KHDRBS2: variants seen among roughly 807,000 people sequenced by gnomAD.
KHDRBS2 encodes KH domain-containing, RNA-binding, signal transduction-associated protein 2.
KHDRBS2 carries 26 observed loss-of-function variants against 44.3 expected under a neutral mutation model. The observed-to-expected ratio is 0.59, with a 90% CI of 0.43 to 0.81. KHDRBS2 has a LOEUF of 0.81. KHDRBS2 is among the 40% of genes least tolerant of loss of function. KHDRBS2 has a pLI of 0.00. For synonymous variants in KHDRBS2, 194 were observed against 151.1 expected (o/e 1.28, Z -2.08); for missense variants, 476 against 433.1 (o/e 1.10, Z -0.88).
chr6:61,838,612 C>T (rs572007815), intron 6 of KHDRBS2, among the ~76,000 whole-genome samples: 1 of 152,046 alleles, frequency 6.6e-6, no homozygotes, highest in African/African-American at 2.4e-5. Context: ...AAAAGAGACA[C>T]TAGAGCTCAG....
intron 7 of KHDRBS2, among the ~76,000 whole-genome samples, chr6:61,702,491 T>C (rs1445422965): frequency 6.6e-6 from 1 of 151,948 alleles, no homozygotes; most frequent in Non-Finnish European, 1.5e-5. Context: ...ATATCCCAAA[T>C]AATATAGTTG....
chr6:61,814,201 A>C (rs1331992775), intron 6 of KHDRBS2, among the ~76,000 whole-genome samples: 3 of 152,226 alleles, frequency 2.0e-5, no homozygotes, highest in Non-Finnish European at 2.9e-5. Flanking sequence ...CTTATTGAAT[A>C]AGCATCAGAA....
At position 62,067,648 on chromosome 6, in the gene KHDRBS2, C is replaced by A. The variant is rs185796291; in HGVS notation, c.220-19654G>T. On this transcript the variant is annotated intron_variant, in intron 2 of 8. Coordinates refer to ENST00000281156, the MANE Select transcript of KHDRBS2 (RefSeq NM_152688.4). ...CAATTCAATTTTTTACGTATGTTCACAGGGTTATACAACCATTGCCAAAAT... is the reference window on the plus strand; with the variant it reads ...CAATTCAATTTTTTACGTATGTTCAAAGGGTTATACAACCATTGCCAAAAT... Among the ~76,000 whole-genome samples the A allele has an allele frequency of 3.2e-4, 49 of 151,594 alleles. 1 individual carries two copies. In the East Asian group the frequency reaches 9.4e-3, roughly 29 times the overall value.
At chr6:61,605,781 A>T in the KHDRBS2 span, among the ~76,000 whole-genome samples, 1 of 152,180 alleles carries the variant, frequency 6.6e-6, no homozygotes, top group East Asian at 1.9e-4. Flanking sequence ...ACACTTTACC[A>T]CTATTTCATT....
the KHDRBS2 span, among the ~76,000 whole-genome samples, chr6:61,569,586 C>T: frequency 3.6e-4 from 55 of 152,212 alleles, no homozygotes; most frequent in Admixed American, 1.4e-3. Context: ...GAGGTCCATG[C>T]GACAACTTCA....
chr6:61,638,572 A>T, the KHDRBS2 span, among the ~76,000 whole-genome samples: 1 of 152,130 alleles, frequency 6.6e-6, no homozygotes, highest in Non-Finnish European at 1.5e-5. Flanking sequence ...AAACCTAGGC[A>T]TTACCATTCA....
downstream of KHDRBS2, among the ~76,000 whole-genome samples, chr6:61,675,619 C>T (rs1296519143): frequency 6.6e-6 from 1 of 151,720 alleles, no homozygotes; most frequent in Non-Finnish European, 1.5e-5. Flanking sequence ...TATAAGACCT[C>T]AGGACACCAC....
Position 61,851,731 on chromosome 6 carries a change from C to T in KHDRBS2, c.810+42904G>A, listed in dbSNP as rs144687955. On this transcript the variant is annotated intron_variant, in intron 6 of 8. Transcript: ENST00000281156. ...GTTGTTTATAGCACCCATTCTATAGCATTTCGTTATGGCAACCTAGTGAAC... is the reference window on the plus strand; with the variant it reads ...GTTGTTTATAGCACCCATTCTATAGTATTTCGTTATGGCAACCTAGTGAAC... 4.0e-4 allele frequency among the ~76,000 whole-genome samples: 61 copies of T among 152,254 alleles called. 1 individual carries two copies. The East Asian group carries it at 0.011, about 27-fold the overall frequency.
chr6:61,749,009 C>CTTTTTTTTTTTTTTTTTT (rs34423906), intron 6 of KHDRBS2, among the ~76,000 whole-genome samples: 15 of 97,220 alleles, frequency 1.5e-4, no homozygotes, highest in South Asian at 3.7e-4. Context: ...TTCTTTCTTT[C>CTTTTTTTTTTTTTTTTTT]TTTTTTTTTT....
At chr6:61,546,727 C>G in the KHDRBS2 span, among the ~76,000 whole-genome samples, 3 of 151,980 alleles carry the variant, frequency 2.0e-5, no homozygotes, top group Admixed American at 1.3e-4. Flanking sequence ...ATTCTCAAAG[C>G]AAAAATTATG....
chr6:61,623,645 A>G, the KHDRBS2 span, among the ~76,000 whole-genome samples: 1 of 152,218 alleles, frequency 6.6e-6, no homozygotes, highest in Non-Finnish European at 1.5e-5. Context: ...GCCTGAGCAG[A>G]ATAAGAGGGC....
chr6:61,746,556 T>G (rs1177120235), intron 6 of KHDRBS2, among the ~76,000 whole-genome samples: 1 of 152,186 alleles, frequency 6.6e-6, no homozygotes, highest in Admixed American at 6.5e-5. Flanking sequence ...CAGTCTTTCA[T>G]TGATGGGCAT....
At chr6:62,165,149 C>T (rs976047125) in intron 2 of KHDRBS2, among the ~76,000 whole-genome samples, 8 of 151,622 alleles carry the variant, frequency 5.3e-5, no homozygotes, top group Non-Finnish European at 1.0e-4. Flanking sequence ...TATTCATTTA[C>T]TTATGGCTTC....
intron 1 of KHDRBS2, among the ~76,000 whole-genome samples, chr6:62,210,332 T>C (rs1828814371): frequency 6.6e-6 from 1 of 150,676 alleles, no homozygotes; most frequent in South Asian, 2.1e-4. Context: ...GCATTCTTTT[T>C]TTTTTTTTTT....
the KHDRBS2 span, among the ~76,000 whole-genome samples, chr6:61,637,319 T>A: frequency 6.6e-5 from 10 of 152,146 alleles, no homozygotes; most frequent in Non-Finnish European, 1.5e-4. Flanking sequence ...TTGCTGAGAA[T>A]GATGGTTTCC....
At chr6:61,899,743 C>T (rs79241748) in intron 5 of KHDRBS2, among the ~76,000 whole-genome samples, 2 of 140,042 alleles carry the variant, frequency 1.4e-5, no homozygotes, top group African/African-American at 2.6e-5. Flanking sequence ...GCCCCCCCCC[C>T]GCATTTTAAG....
intron 6 of KHDRBS2, among the ~76,000 whole-genome samples, chr6:61,797,432 T>C (rs747104907): frequency 2.0e-5 from 3 of 152,180 alleles, no homozygotes; most frequent in Non-Finnish European, 4.4e-5. Flanking sequence ...AGCATAAGTA[T>C]GTCTGGCTAC....
At chr6:61,801,578 A>G (rs1786285293) in intron 6 of KHDRBS2, among the ~76,000 whole-genome samples, 1 of 152,164 alleles carries the variant, frequency 6.6e-6, no homozygotes, top group Admixed American at 6.6e-5. Flanking sequence ...ATTTTGTTGC[A>G]TTTCAGCCAA....
At chr6:61,583,600 C>A in the KHDRBS2 span, among the ~76,000 whole-genome samples, 2 of 151,756 alleles carry the variant, frequency 1.3e-5, no homozygotes, top group African/African-American at 2.4e-5. Flanking sequence ...GCCACACTTA[C>A]TTGACTATTG....
Sources: allele counts gnomAD v4.1 joint callset (sites outside exome capture counted in the v4.1 genomes callset), GRCh38; gene constraint gnomAD v4.1.1; transcripts MANE v1.5; gene names NCBI Gene and HGNC (gene_info 2026-07-23, HGNC 2026-07-21).